The following NDC80 variants were observed in gnomAD, a reference collection of about 807,000 sequenced individuals.
NDC80 encodes kinetochore protein NDC80 homolog.
A neutral mutation model predicts 89.3 loss-of-function variants in NDC80; 69 were observed. The observed-to-expected ratio is 0.77, with a 90% CI of 0.64 to 0.94. The LOEUF is 0.94. Ranked by LOEUF, NDC80 falls within the 40% of genes least tolerant of loss-of-function variation. The pLI is 0.00. For synonymous variants in NDC80, 243 were observed against 255.6 expected, an observed-to-expected ratio of 0.95 and a Z score of 0.47; for missense variants, 593 against 739.6, an observed-to-expected ratio of 0.80 and a Z score of 2.30.
At chr18:2,591,512 A>G (rs967544627) in intron 10 of NDC80, among the ~76,000 whole-genome samples, 4 of 151,348 alleles carry the variant, frequency 2.6e-5, no homozygotes, top group Admixed American at 6.6e-5. Context: ...CTCTTAGTCT[A>G]TGGAGTATTG....
At chr18:2,574,738 A>G (rs2072536984) in intron 2 of NDC80, among the ~76,000 whole-genome samples, 1 of 152,182 alleles carries the variant, frequency 6.6e-6, no homozygotes, top group Non-Finnish European at 1.5e-5. Context: ...AACGAAGACT[A>G]AATCTACCAA....
At chr18:2,594,309 G>T (rs1302923068) in intron 10 of NDC80, 2 of 152,776 alleles carry the variant, frequency 1.3e-5, no homozygotes, top group African/African-American at 4.8e-5. Flanking sequence ...GTAACCACAA[G>T]AAGGCAATCT....
Position 2,577,748 on chromosome 18 carries a change from C to A in NDC80, c.182C>A (p.Thr61Asn), listed in dbSNP as rs759829269. The change falls in exon 4 of 17, where the codon ACT becomes AAT. Residue 61 changes from threonine (T) to asparagine (N), a missense_variant and splice_region_variant. Transcript: ENST00000261597. ...GCTGTTTAAAAATATATTTCCAGAA[C>A]TAGTGGACATGGATCCCGGAATAGT... Reference protein sequence around the residue: ...ERKVSLFGKRTSGHGSRNSQL... With the variant: ...ERKVSLFGKRNSGHGSRNSQL... 1.9e-6 allele frequency: 3 copies of A among 1,613,390 alleles called. No homozygotes were observed. Among genetic ancestry groups the A allele is most frequent in the Admixed American group, 3.3e-5 (2 of 59,796 alleles).
chr18:2,580,238 G>A (rs1197493397), intron 6 of NDC80, among the ~76,000 whole-genome samples: 1 of 149,842 alleles, frequency 6.7e-6, no homozygotes, highest in Non-Finnish European at 1.5e-5. Flanking sequence ...ATTTTTTTTT[G>A]TGTTGATTTG....
chr18:2,596,385 C>G (rs2072656732), intron 11 of NDC80, among the ~76,000 whole-genome samples: 1 of 151,810 alleles, frequency 6.6e-6, no homozygotes, highest in South Asian at 2.1e-4. Context: ...AGACACTTCT[C>G]AAAAGAAGAC....
chr18:2,582,470 C>G (rs954197238), intron 6 of NDC80: 1 of 152,104 alleles, frequency 6.6e-6, no homozygotes, highest in Non-Finnish European at 1.5e-5. Context: ...AATTCTATTT[C>G]CATGGTGATT....
At chr18:2,575,839 C>T (rs2072543783) in intron 3 of NDC80, among the ~76,000 whole-genome samples, 1 of 152,218 alleles carries the variant, frequency 6.6e-6, no homozygotes, top group South Asian at 2.1e-4. Flanking sequence ...TCAGGAGGAT[C>T]AGTTGAACCC....
At chr18:2,580,354 A>G (rs1216207644) in intron 6 of NDC80, among the ~76,000 whole-genome samples, 1 of 148,584 alleles carries the variant, frequency 6.7e-6, no homozygotes, top group African/African-American at 2.5e-5. Context: ...TTTTAATTTC[A>G]TGTGCTGTTT....
intron 1 of NDC80, among the ~76,000 whole-genome samples, chr18:2,572,169 G>T (rs1246926436): frequency 6.6e-6 from 1 of 152,158 alleles, no homozygotes; most frequent in Non-Finnish European, 1.5e-5. Context: ...GGAAATAGGC[G>T]GCCAAAATCA....
chr18:2,601,766 T>A (rs1284675211), intron 13 of NDC80, among the ~76,000 whole-genome samples: 1 of 152,148 alleles, frequency 6.6e-6, no homozygotes, highest in Non-Finnish European at 1.5e-5. Flanking sequence ...TAATTTAATA[T>A]TTTTATACTA....
At chr18:2,610,979 G>A (rs3817350) in intron 16 of NDC80, 118 bp downstream of exon 16, 442,040 of 572,952 alleles carry the variant, frequency 0.77, 171,341 homozygotes, top group East Asian at 0.93. Flanking sequence ...AGTATGATCT[G>A]GCAAAAATTT....
intron 13 of NDC80, among the ~76,000 whole-genome samples, chr18:2,601,805 G>C (rs1312731442): frequency 1.3e-5 from 2 of 152,206 alleles, no homozygotes; most frequent in Admixed American, 6.5e-5. Flanking sequence ...TACCTTGAAA[G>C]TAGGCAAGTA....
In NDC80 at chr18:2,612,276, C is replaced by CTTTTTTTTTTTTTTTT. The variant is rs55648444; in HGVS notation, c.1791+1433_1791+1448dup. On this transcript the variant is annotated intron_variant, in intron 16 of 16. Coordinates refer to ENST00000261597, the MANE Select transcript of NDC80 (RefSeq NM_006101.3). ...TAGCACCTCTGACTTTCTTTTCTTT[C>CTTTTTTTTTTTTTTTT]TTTTTTTTTTTTTTTTTTTTTTTTT... is the stretch of plus-strand genomic sequence containing the variant. Among the ~76,000 whole-genome samples, 17 of 60,400 alleles carry CTTTTTTTTTTTTTTTT rather than the reference C, an allele frequency of 2.8e-4. 1 individual carries two copies. Among genetic ancestry groups the CTTTTTTTTTTTTTTTT allele is most frequent in the African/African-American group, 6.4e-4 (10 of 15,512 alleles). The allele number at this position is 60,400 out of a possible 152,430, so 39.6% of individuals were successfully genotyped here.
chr18:2,601,617 G>A (rs2072684529), intron 13 of NDC80, 132 bp downstream of exon 13: 1 of 445,450 alleles, frequency 2.2e-6, no homozygotes, highest in Non-Finnish European at 4.1e-6. Flanking sequence ...TGAGAATTGG[G>A]TATGCTCTCG....
intron 13 of NDC80, among the ~76,000 whole-genome samples, chr18:2,601,813 G>A (rs1472721734): frequency 2.0e-5 from 3 of 152,176 alleles, no homozygotes; most frequent in Non-Finnish European, 4.4e-5. Context: ...AAGTAGGCAA[G>A]TATAATTACG....
At chr18:2,596,304 A>G (rs1328836038) in intron 11 of NDC80, among the ~76,000 whole-genome samples, 1 of 152,186 alleles carries the variant, frequency 6.6e-6, no homozygotes, top group African/African-American at 2.4e-5. Flanking sequence ...TCCAGAATCT[A>G]CAATGAACTC....
In NDC80 at chr18:2,573,165, A is replaced by G. The variant is rs1012763787; in HGVS notation, c.101+79A>G. The G allele has an allele frequency of 1.9e-5, 22 of 1,142,606 alleles. No individual in the cohort carries two copies. The African/African-American group carries it at 3.3e-4, about 17-fold the overall frequency. 70.8% of individuals were successfully genotyped at this position (1,142,606 alleles called of 1,614,324 possible). On this transcript the variant is annotated intron_variant, in intron 2 of 16. Transcript: ENST00000261597. ...AAATCATAAGAAATAGTTAATATAA[A>G]GATGTAATATGAGTGATGTCTTGGT...
At chr18:2,597,498 A>G (rs1291129480) in intron 11 of NDC80, among the ~76,000 whole-genome samples, 1 of 152,314 alleles carries the variant, frequency 6.6e-6, no homozygotes, top group East Asian at 1.9e-4. Context: ...TGGGAGGCCA[A>G]GGCAGGTGGA....
rs2072612114 is a variant in NDC80, at chr18:2,588,397, A to G, written c.763+474A>G. ...AGTTAACAAGACATTATACTTCCAA[A>G]TATGTAAGGAAAATCTTTTTTTTTT... On this transcript the variant is annotated intron_variant, in intron 8 of 16. Coordinates refer to ENST00000261597, the MANE Select transcript of NDC80 (RefSeq NM_006101.3). Among the ~76,000 whole-genome samples, 4 of 152,262 alleles carry G rather than the reference A, an allele frequency of 2.6e-5. No individual in the cohort carries two copies. The South Asian group carries it at 8.3e-4, about 32-fold the overall frequency.
Sources: allele counts gnomAD v4.1 joint callset (sites outside exome capture counted in the v4.1 genomes callset), GRCh38; gene constraint gnomAD v4.1.1; transcripts MANE v1.5; gene names NCBI Gene and HGNC (gene_info 2026-07-23, HGNC 2026-07-21).